PEAK1: variants seen among roughly 807,000 people sequenced by gnomAD.
PEAK1 encodes pseudopodium enriched atypical kinase 1.
In PEAK1, 54 loss-of-function variants were observed where a neutral mutation model predicts 124.7. That is an observed-to-expected ratio of 0.43 (90% CI 0.35 to 0.54). The LOEUF (loss-of-function observed/expected upper bound fraction) is 0.54, where lower values mean the gene tolerates loss of function less well. PEAK1 is among the 20% of genes least tolerant of loss of function. The pLI is 0.01. For missense variants in PEAK1, 2,046 were observed against 2,134.5 expected, an observed-to-expected ratio of 0.96 and a Z score of 0.82; for synonymous variants, 719 against 760.0, an observed-to-expected ratio of 0.95 and a Z score of 0.89.
At chr15:77,372,807 T>C (rs1299275201) in intron 1 of PEAK1, among the ~76,000 whole-genome samples, 1 of 152,140 alleles carries the variant, frequency 6.6e-6, no homozygotes, top group East Asian at 1.9e-4. Context: ...CCTAGTACTG[T>C]TCTCATGATA....
At chr15:77,333,832 G>A (rs1292790573) in intron 2 of PEAK1, 5 of 680,570 alleles carry the variant, frequency 7.3e-6, no homozygotes, top group Non-Finnish European at 9.1e-6. Context: ...AATATATGGT[G>A]GTGCAATTCC....
At chr15:77,375,993 C>T (rs982574543) in intron 1 of PEAK1, among the ~76,000 whole-genome samples, 3 of 141,846 alleles carry the variant, frequency 2.1e-5, no homozygotes, top group Admixed American at 7.2e-5. Context: ...AGCGAGACTC[C>T]GTCTCAAAAA....
chr15:77,370,215 G>A (rs1031051966), intron 1 of PEAK1, among the ~76,000 whole-genome samples: 1 of 152,142 alleles, frequency 6.6e-6, no homozygotes, highest in Admixed American at 6.6e-5. Flanking sequence ...CTATGGACAT[G>A]ACTTCCTTTC....
chr15:77,115,170 A>G lies in PEAK1; in HGVS notation c.4227T>C (p.Asp1409=). 6.2e-7 allele frequency: 1 copy of G among 1,614,100 alleles called. No individual in the cohort carries two copies. Among genetic ancestry groups the G allele is most frequent in the South Asian group, 1.1e-5 (1 of 91,080 alleles). The change falls in exon 10 of 10, where the codon GAT becomes GAC. Residue 1409 remains aspartate (D), a synonymous_variant. Coordinates refer to ENST00000682557, the MANE Select transcript of PEAK1 (RefSeq NM_001385026.1). Reference sequence around the variant, plus strand: ...TGTCATCCTCATCCTTTTCAGGGTCATCTGGATCCTCCCAGGGAAGCAGAC... The same window carrying G: ...TGTCATCCTCATCCTTTTCAGGGTCGTCTGGATCCTCCCAGGGAAGCAGAC... ...PNRLLPWEDP[D]DPEKDEDDME... is the part of the protein sequence containing the mutation.
At chr15:77,128,325 T>C (rs1295536884) in intron 9 of PEAK1, among the ~76,000 whole-genome samples, 1 of 152,186 alleles carries the variant, frequency 6.6e-6, no homozygotes, top group Non-Finnish European at 1.5e-5. Context: ...AGAGAGCTAT[T>C]TGGCTGCAAA....
At chr15:77,417,289 G>A (rs2072955147) in intron 1 of PEAK1, 1 of 923,528 alleles carries the variant, frequency 1.1e-6, no homozygotes, top group Non-Finnish European at 1.3e-6. Flanking sequence ...GCACTTAAAA[G>A]GTACTCAAAC....
rs965175124 is a variant in PEAK1, at chr15:77,109,335, CTTCT to C, written c.*4817_*4820del. ...TCTTCATCTTCATCATCATCATCAT[CTTCT>C]AATATACAAAATGGACTTCTTTTTA... On this transcript the variant is annotated 3_prime_UTR_variant, in exon 10 of 10. Transcript: ENST00000682557. The C allele has an allele frequency of 6.6e-6, 1 of 152,204 alleles. No homozygotes were observed. The highest frequency in any genetic ancestry group is 1.5e-5 in the Non-Finnish European group (1 of 68,036). The allele number at this position is 152,204 out of a possible 1,614,324, so 9.4% of individuals were successfully genotyped here. A position where few individuals can be genotyped will look rare whatever the true frequency, so the allele number is the denominator to read the frequency against.
chr15:77,175,337 T>G (rs2056786253), intron 7 of PEAK1, among the ~76,000 whole-genome samples: 1 of 151,866 alleles, frequency 6.6e-6, no homozygotes, highest in African/African-American at 2.4e-5. Flanking sequence ...GGGAGAAAAT[T>G]TTCACAACCT....
At chr15:77,311,996 T>G (rs947523494) in intron 2 of PEAK1, among the ~76,000 whole-genome samples, 2 of 152,114 alleles carry the variant, frequency 1.3e-5, no homozygotes, top group African/African-American at 4.8e-5. Flanking sequence ...GTAGGGATAC[T>G]AGGTATGAAG....
At chr15:77,352,969 T>C in intron 2 of PEAK1, 1 of 985,392 alleles carries the variant, frequency 1.0e-6, no homozygotes, top group Non-Finnish European at 1.2e-6. Flanking sequence ...AGAGATGCAT[T>C]ACCCTCACAT....
chr15:77,379,975 T>A (rs936344181), intron 1 of PEAK1, among the ~76,000 whole-genome samples: 3 of 152,192 alleles, frequency 2.0e-5, no homozygotes, highest in Non-Finnish European at 4.4e-5. Flanking sequence ...CTTTTCTTCC[T>A]CAACAATTAC....
intron 2 of PEAK1, among the ~76,000 whole-genome samples, chr15:77,313,288 G>A (rs1409876227): frequency 6.6e-6 from 1 of 151,940 alleles, no homozygotes; most frequent in African/African-American, 2.4e-5. Context: ...AAGTAATACT[G>A]GATTAAAATC....
At chr15:77,167,918 T>C (rs535121851) in intron 7 of PEAK1, among the ~76,000 whole-genome samples, 3 of 151,524 alleles carry the variant, frequency 2.0e-5, no homozygotes, top group African/African-American at 7.3e-5. Flanking sequence ...CCCCGGTGTG[T>C]GAGGTTCCCC....
chr15:77,335,922 A>C, intron 2 of PEAK1: 1 of 985,406 alleles, frequency 1.0e-6, no homozygotes, highest in Non-Finnish European at 1.2e-6. Context: ...AAATGCCACA[A>C]TAAGAACACC....
chr15:77,336,183 C>T, intron 2 of PEAK1: 1 of 985,412 alleles, frequency 1.0e-6, no homozygotes, highest in Non-Finnish European at 1.2e-6. Context: ...GTTCTACAAC[C>T]ACAGAGCTTC....
intron 6 of PEAK1, among the ~76,000 whole-genome samples, chr15:77,221,606 CAT>C (rs1394936205): frequency 1.3e-5 from 2 of 152,028 alleles, no homozygotes; most frequent in Non-Finnish European, 2.9e-5. Context: ...TCCTGGAACA[CAT>C]GTGCTGTTGG....
intron 2 of PEAK1, among the ~76,000 whole-genome samples, chr15:77,342,057 A>C (rs2066568840): frequency 1.3e-5 from 2 of 151,946 alleles, no homozygotes; most frequent in South Asian, 4.2e-4. Flanking sequence ...AAGGGCTTTT[A>C]GTAATCTTTA....
chr15:77,114,349 C>G lies in PEAK1; in HGVS notation c.5048G>C (p.Ser1683Thr), dbSNP rs1348096493. ...GAGCAGGGTGTTCCTCTGTACTAGG[C>G]TAGGGCAGGCGGTGAAAGTCTGGAA... ...DLFQTFTACP[S>T]LVQRNTLLQN... Residue 1683 changes from serine (S) to threonine (T), a missense_variant, in exon 10 of 10, where the codon AGC (serine) becomes ACC (threonine). Coordinates refer to ENST00000682557, the MANE Select transcript of PEAK1 (RefSeq NM_001385026.1). 4 of 1,614,172 alleles carry G rather than the reference C, an allele frequency of 2.5e-6. No individual in the cohort carries two copies.
At chr15:77,338,872 T>C (rs1251683770) in intron 2 of PEAK1, among the ~76,000 whole-genome samples, 1 of 151,966 alleles carries the variant, frequency 6.6e-6, no homozygotes, top group Non-Finnish European at 1.5e-5. Context: ...TATTTAACAT[T>C]AAATTGCTTT....
Sources: allele counts gnomAD v4.1 joint callset (sites outside exome capture counted in the v4.1 genomes callset), GRCh38; gene constraint gnomAD v4.1.1; transcripts MANE v1.5; gene names NCBI Gene and HGNC (gene_info 2026-07-23, HGNC 2026-07-21).